KHDRBS2: variants seen among roughly 807,000 people sequenced by gnomAD.
KHDRBS2 encodes the protein KH RNA binding domain containing, signal transduction associated 2.
Under a neutral mutation model 44.3 loss-of-function variants are expected in KHDRBS2, and 26 were observed. The ratio of observed to expected loss-of-function variants is 0.59; its 90% CI spans 0.43 to 0.81. The LOEUF is 0.81. KHDRBS2 is among the 40% of genes least tolerant of loss of function. The probability of loss-of-function intolerance (pLI) is 0.00; values close to 1 mark genes in which losing one functional copy is unlikely to be tolerated. For missense variants in KHDRBS2, 476 were observed against 433.1 expected, an observed-to-expected ratio of 1.10 and a Z score of -0.88; for synonymous variants, 194 against 151.1, an observed-to-expected ratio of 1.28 and a Z score of -2.08.
chr6:62,207,122 G>A (rs867052802), intron 1 of KHDRBS2, among the ~76,000 whole-genome samples: 1 of 151,886 alleles, frequency 6.6e-6, no homozygotes, highest in East Asian at 1.9e-4. Context: ...TCTGTGAGTT[G>A]CATTTTTCTT....
chr6:61,711,719 A>G (rs1770543118), intron 7 of KHDRBS2, among the ~76,000 whole-genome samples: 1 of 151,830 alleles, frequency 6.6e-6, no homozygotes, highest in African/African-American at 2.4e-5. Context: ...ACTGAGCCCA[A>G]CTTTAAGATG....
At chr6:62,168,094 G>C (rs1334217575) in intron 2 of KHDRBS2, among the ~76,000 whole-genome samples, 1 of 152,146 alleles carries the variant, frequency 6.6e-6, no homozygotes, top group African/African-American at 2.4e-5. Context: ...AAGAAGTATA[G>C]AGCAAGTGAG....
intron 6 of KHDRBS2, among the ~76,000 whole-genome samples, chr6:61,769,539 T>C (rs1474557394): frequency 3.3e-5 from 5 of 152,170 alleles, no homozygotes; most frequent in African/African-American, 1.2e-4. Flanking sequence ...CAGAGGGTCC[T>C]ACTGGCTTGG....
At chr6:61,829,352 C>T (rs1279370369) in intron 6 of KHDRBS2, among the ~76,000 whole-genome samples, 21 of 152,142 alleles carry the variant, frequency 1.4e-4, no homozygotes, top group African/African-American at 3.6e-4. Flanking sequence ...TTAATAGAGA[C>T]GGGGTTTCAC....
chr6:61,614,613 G>T, the KHDRBS2 span, among the ~76,000 whole-genome samples: 1 of 152,130 alleles, frequency 6.6e-6, no homozygotes, highest in Non-Finnish European at 1.5e-5. Flanking sequence ...CCAGATAAAA[G>T]GAATGGTGAA....
chr6:62,032,355 C>A (rs1784491122), intron 3 of KHDRBS2, among the ~76,000 whole-genome samples: 2 of 152,074 alleles, frequency 1.3e-5, no homozygotes, highest in South Asian at 4.2e-4. Context: ...TTGGCCTAGT[C>A]TCCTAGACTG....
intron 6 of KHDRBS2, among the ~76,000 whole-genome samples, chr6:61,789,272 A>G (rs1048475017): frequency 1.3e-5 from 2 of 151,490 alleles, no homozygotes; most frequent in African/African-American, 4.8e-5. Context: ...AAATTGAAAA[A>G]GCAAAACTTG....
chr6:62,264,506 T>C (rs1184074855), intron 1 of KHDRBS2, among the ~76,000 whole-genome samples: 3 of 151,794 alleles, frequency 2.0e-5, no homozygotes, highest in Non-Finnish European at 4.4e-5. Context: ...TTTTTGAATC[T>C]ACAAAAGAGC....
At chr6:61,615,233 C>CAAAAAAAAAAAAA in the KHDRBS2 span, among the ~76,000 whole-genome samples, 24 of 58,528 alleles carry the variant, frequency 4.1e-4, no homozygotes, top group South Asian at 8.3e-4. Context: ...ACTCCATCTC[C>CAAAAAAAAAAAAA]AAAAAAAAAA....
chr6:62,194,358 G>GA lies in KHDRBS2; in HGVS notation c.92-17047_92-17046insT, dbSNP rs1403529211. Among the ~76,000 whole-genome samples, 269 of 149,938 alleles carry GA rather than the reference G, an allele frequency of 1.8e-3. 2 individuals are homozygous for GA. The highest frequency in any genetic ancestry group is 6.2e-3 in the African/African-American group (254 of 40,660). On this transcript the variant is annotated intron_variant, in intron 1 of 8. Transcript: ENST00000281156. The stretch of plus-strand genomic sequence containing the variant: ...CACATTGAATGCTCTTGAAACCCTT[G>GA]TAAAAAAAACCAATTAACCATGAAT...
chr6:62,201,871 C>G (rs1429142305), intron 1 of KHDRBS2, among the ~76,000 whole-genome samples: 1 of 151,792 alleles, frequency 6.6e-6, no homozygotes, highest in Non-Finnish European at 1.5e-5. Flanking sequence ...AAGTTACGCA[C>G]GTTCGTAAGA....
chr6:62,105,455 G>T (rs1483751901), intron 2 of KHDRBS2, among the ~76,000 whole-genome samples: 1 of 152,074 alleles, frequency 6.6e-6, no homozygotes, highest in African/African-American at 2.4e-5. Flanking sequence ...CAATTTCAGA[G>T]CCTGTTATTG....
At chr6:61,909,203 A>C (rs1230373337) in intron 4 of KHDRBS2, among the ~76,000 whole-genome samples, 1 of 151,732 alleles carries the variant, frequency 6.6e-6, no homozygotes, top group Admixed American at 6.6e-5. Context: ...AGTAGCTGGG[A>C]CCACAGGTGC....
the KHDRBS2 span, among the ~76,000 whole-genome samples, chr6:61,548,125 A>G: frequency 6.6e-6 from 1 of 152,198 alleles, no homozygotes; most frequent in Non-Finnish European, 1.5e-5. Flanking sequence ...TTCAAAAGAG[A>G]ATAGAAAATC....
intron 1 of KHDRBS2, among the ~76,000 whole-genome samples, chr6:62,284,988 TA>T (rs201481362): frequency 6.6e-6 from 1 of 151,986 alleles, no homozygotes; most frequent in African/African-American, 2.4e-5. Context: ...AGCATTCATC[TA>T]AAAAAAATCT....
At chr6:61,665,361 T>C in the KHDRBS2 span, among the ~76,000 whole-genome samples, 1 of 151,372 alleles carries the variant, frequency 6.6e-6, no homozygotes, top group South Asian at 2.1e-4. Flanking sequence ...TATTTTTAAG[T>C]GTAAGAGGAG....
intron 3 of KHDRBS2, among the ~76,000 whole-genome samples, chr6:62,016,836 A>G (rs1242114067): frequency 1.3e-5 from 2 of 151,890 alleles, no homozygotes; most frequent in Non-Finnish European, 2.9e-5. Context: ...ATGCTATAAC[A>G]TTACTTCTTC....
In KHDRBS2 at chr6:61,835,365, G is replaced by T. The variant is rs534578859; in HGVS notation, c.810+59270C>A. 2.6e-5 allele frequency among the ~76,000 whole-genome samples: 4 copies of T among 152,188 alleles called. No homozygotes were observed. In the South Asian group the frequency reaches 8.3e-4, roughly 32 times the overall value. On this transcript the variant is annotated intron_variant, in intron 6 of 8. Transcript: ENST00000281156. ...GAAAAGAGTATATGAGTAAGTGTCA[G>T]AGGGTCTTTTACTAATCAGTTGTGT...
At chr6:62,093,856 TTG>T (rs61194705) in intron 2 of KHDRBS2, among the ~76,000 whole-genome samples, 1,586 of 143,260 alleles carry the variant, frequency 0.011, 21 homozygotes, top group African/African-American at 0.025. Context: ...TTCCATTGTT[TTG>T]TGTGTGTGTG....
Sources: gnomAD v4.1 joint callset for allele counts (sites outside exome capture counted in the v4.1 genomes callset) on GRCh38, gnomAD v4.1.1 for gene constraint, MANE v1.5 for transcripts, NCBI Gene and HGNC (gene_info 2026-07-23, HGNC 2026-07-21) for gene names.